The following NELL1 variants were observed in gnomAD, a reference collection of about 807,000 sequenced individuals.
NELL1 encodes neural EGFL like 1.
A neutral mutation model predicts 107.4 loss-of-function variants in NELL1; 76 were observed. The observed-to-expected ratio is 0.71, with a 90% confidence interval of 0.59 to 0.86. The LOEUF (loss-of-function observed/expected upper bound fraction) is 0.86, where lower values mean the gene tolerates loss of function less well. NELL1 is among the 40% of genes least tolerant of loss of function. The pLI is 0.00. For synonymous variants in NELL1, 353 were observed against 341.2 expected, an observed-to-expected ratio of 1.03 and a Z score of -0.38; for missense variants, 1,024 against 1,005.5, an observed-to-expected ratio of 1.02 and a Z score of -0.25.
intron 5 of NELL1, among the ~76,000 whole-genome samples, chr11:20,913,296 T>C (rs1028243067): frequency 4.6e-5 from 7 of 151,794 alleles, no homozygotes; most frequent in African/African-American, 1.4e-4. Context: ...TACAAAAAAA[T>C]AGAACCATTT....
intron 7 of NELL1, among the ~76,000 whole-genome samples, chr11:20,921,568 A>T (rs1850376703): frequency 6.6e-6 from 1 of 152,102 alleles, no homozygotes; most frequent in African/African-American, 2.4e-5. Context: ...AGGGAGTAAT[A>T]TTACTCTTTC....
chr11:20,970,738 A>G (rs968002512), intron 12 of NELL1, among the ~76,000 whole-genome samples: 2 of 152,056 alleles, frequency 1.3e-5, no homozygotes, highest in African/African-American at 2.4e-5. Flanking sequence ...GAGTAAAGAT[A>G]TGGTTGATAG....
At chr11:21,091,700 C>T (rs762215395) in intron 12 of NELL1, among the ~76,000 whole-genome samples, 1 of 151,996 alleles carries the variant, frequency 6.6e-6, no homozygotes, top group Admixed American at 6.6e-5. Context: ...AGCCCACATT[C>T]GATACTAGAT....
At position 20,816,281 on chromosome 11, in the gene NELL1, G is replaced by A. The variant is rs193300578; in HGVS notation, c.336-31302G>A. Reference sequence around the variant, plus strand: ...ACAATGTTGATTCTTCAATCCATGAGCATGGAATGTTTTTCCGTTTGTTTG... The same window carrying A: ...ACAATGTTGATTCTTCAATCCATGAACATGGAATGTTTTTCCGTTTGTTTG... On this transcript the variant is annotated intron_variant, in intron 3 of 19. Coordinates refer to ENST00000357134, the MANE Select transcript of NELL1 (RefSeq NM_006157.5). Among the ~76,000 whole-genome samples, 1,328 of 152,250 alleles carry A rather than the reference G, an allele frequency of 8.7e-3. 7 individuals carry two copies. The highest frequency in any genetic ancestry group is 0.014 in the Middle Eastern group (4 of 294).
At chr11:21,290,186 G>A (rs965287553) in intron 14 of NELL1, among the ~76,000 whole-genome samples, 13 of 151,902 alleles carry the variant, frequency 8.6e-5, no homozygotes, top group African/African-American at 2.4e-4. Context: ...TGTCTAACAC[G>A]GTGAAACCCC....
At chr11:21,306,378 AAAG>A (rs1468005436) in intron 14 of NELL1, among the ~76,000 whole-genome samples, 1 of 152,020 alleles carries the variant, frequency 6.6e-6, no homozygotes, top group Non-Finnish European at 1.5e-5. Context: ...GCTGAAAATA[AAAG>A]AATAAACTGC....
chr11:20,697,714 A>G (rs1001836829), intron 2 of NELL1, among the ~76,000 whole-genome samples: 2 of 152,122 alleles, frequency 1.3e-5, no homozygotes, highest in Middle Eastern at 3.2e-3. Context: ...CTTGCCGTCA[A>G]GTGTGGATAA....
intron 15 of NELL1, among the ~76,000 whole-genome samples, chr11:21,515,114 C>T (rs1362248635): frequency 6.6e-6 from 1 of 152,144 alleles, no homozygotes; most frequent in African/African-American, 2.4e-5. Flanking sequence ...TTAATAATTC[C>T]CTTTTACTAT....
intron 2 of NELL1, among the ~76,000 whole-genome samples, chr11:20,741,921 G>A (rs531697304): frequency 2.8e-4 from 43 of 152,250 alleles, no homozygotes; most frequent in Non-Finnish European, 4.7e-4. Context: ...TGAACCTTTC[G>A]GGGATCTTGA....
At chr11:20,872,168 G>C (rs531371982) in intron 4 of NELL1, among the ~76,000 whole-genome samples, 1 of 127,318 alleles carries the variant, frequency 7.9e-6, no homozygotes, top group African/African-American at 2.8e-5. Flanking sequence ...TCCTCTATCA[G>C]AGATTTTTTT....
chr11:20,839,706 G>A (rs1322332734), intron 3 of NELL1, among the ~76,000 whole-genome samples: 1 of 152,212 alleles, frequency 6.6e-6, no homozygotes, highest in East Asian at 1.9e-4. Flanking sequence ...GGATTGAATG[G>A]CAGAGGGGAG....
At chr11:21,096,959 C>G (rs1186999488) in intron 12 of NELL1, among the ~76,000 whole-genome samples, 1 of 151,994 alleles carries the variant, frequency 6.6e-6, no homozygotes, top group Non-Finnish European at 1.5e-5. Context: ...TTGAGTAATC[C>G]TCCTTCCTTG....
At chr11:20,765,321 A>G (rs1346794132) in intron 2 of NELL1, among the ~76,000 whole-genome samples, 1 of 152,228 alleles carries the variant, frequency 6.6e-6, no homozygotes, top group Non-Finnish European at 1.5e-5. Context: ...ATTACCAAGG[A>G]TTACCAATGG....
intron 3 of NELL1, among the ~76,000 whole-genome samples, chr11:20,837,276 T>A (rs974946072): frequency 6.6e-6 from 1 of 152,272 alleles, no homozygotes; most frequent in Non-Finnish European, 1.5e-5. Context: ...CAGATAAGCA[T>A]GAGACAGAGA....
At chr11:21,204,936 A>G (rs1670662) in intron 13 of NELL1, among the ~76,000 whole-genome samples, 100,491 of 151,868 alleles carry the variant, frequency 0.66, 36,498 homozygotes, top group Non-Finnish European at 0.81. Flanking sequence ...TATCACCAGC[A>G]GACGCTGCAG....
Position 21,029,706 on chromosome 11 carries a change from C to T in NELL1, c.1300+69146C>T, listed in dbSNP as rs116774059. ...TTGGGTTCATAGTCCCAAGTACAAG[C>T]AGGAGAAGAAGAAGAGAACAGGAGA... On this transcript the variant is annotated intron_variant, in intron 12 of 19. Coordinates refer to ENST00000357134, the MANE Select transcript of NELL1 (RefSeq NM_006157.5). Among the ~76,000 whole-genome samples, 507 of 152,160 alleles carry T rather than the reference C, an allele frequency of 3.3e-3. 3 individuals carry two copies. Among genetic ancestry groups the T allele is most frequent in the African/African-American group, 0.012 (491 of 41,530 alleles).
intron 7 of NELL1, among the ~76,000 whole-genome samples, chr11:20,922,998 A>AGAGAAAATGGTCCTT (rs1336420555): frequency 1.3e-5 from 2 of 152,114 alleles, no homozygotes; most frequent in African/African-American, 4.8e-5. Context: ...ATGGTTCCTT[A>AGAGAAAATGGTCCTT]GAGAAAATGG....
intron 12 of NELL1, among the ~76,000 whole-genome samples, chr11:20,992,264 T>A (rs141912818): frequency 4.7e-4 from 71 of 152,346 alleles, no homozygotes; most frequent in African/African-American, 1.6e-3. Context: ...TAATCCATGC[T>A]TTTAATTTCT....
chr11:21,394,616 TAAG>T (rs1212319155), intron 15 of NELL1, among the ~76,000 whole-genome samples: 2 of 151,310 alleles, frequency 1.3e-5, no homozygotes, highest in African/African-American at 2.4e-5. Flanking sequence ...AACATTATCT[TAAG>T]GAGGTGTGTA....
Sources: gnomAD v4.1 joint callset for allele counts (sites outside exome capture counted in the v4.1 genomes callset) on GRCh38, gnomAD v4.1.1 for gene constraint, MANE v1.5 for transcripts, NCBI Gene and HGNC (gene_info 2026-07-23, HGNC 2026-07-21) for gene names.